Variants in BMP1 observed in about 807,000 individuals in gnomAD.
The protein encoded by BMP1 is bone morphogenetic protein 1, also known as mammalian tolloid protein.
In BMP1, 63 loss-of-function variants were observed where a neutral mutation model predicts 116.8. The ratio of observed to expected loss-of-function variants is 0.54; its 90% confidence interval spans 0.44 to 0.67. BMP1 has a LOEUF of 0.67. Ranked by LOEUF, BMP1 falls within the 30% of genes least tolerant of loss-of-function variation. BMP1 has a pLI of 0.00. For synonymous variants in BMP1, 536 were observed against 533.4 expected, an observed-to-expected ratio of 1.00 and a Z score of -0.07; for missense variants, 1,183 against 1,358.9, an observed-to-expected ratio of 0.87 and a Z score of 2.04.
rs746069533 is a variant in BMP1, at chr8:22,192,148, C to T, written c.1177C>T (p.Arg393Ter). The change falls in exon 9 of 20, where the codon CGA becomes TGA. Residue 393 changes from arginine to a stop codon, truncating the protein, a stop_gained. Transcript: ENST00000306385. LOFTEE classifies it high-confidence loss of function. ...RDGFWRKAPLRGRFCGSKLPE... is the reference protein window; with the variant it reads ...RDGFWRKAPL Reference sequence around the variant, plus strand: ...TGGCTTCTGGAGGAAGGCGCCCCTCCGAGGTAACGGCACCAGCCACCCCCT... The same window carrying T: ...TGGCTTCTGGAGGAAGGCGCCCCTCTGAGGTAACGGCACCAGCCACCCCCT... 2 of 1,612,788 alleles carry T rather than the reference C, an allele frequency of 1.2e-6. No homozygotes were observed. Among genetic ancestry groups the T allele is most frequent in the Non-Finnish European group, 1.7e-6 (2 of 1,179,400 alleles).
At position 22,194,099 on chromosome 8, in the gene BMP1, A is replaced by G. The variant is rs367846590; in HGVS notation, c.1222A>G (p.Thr408Ala). 1.9e-5 allele frequency: 30 copies of G among 1,614,068 alleles called. No homozygotes were observed. Among genetic ancestry groups the G allele is most frequent in the Non-Finnish European group, 2.5e-5 (30 of 1,180,040 alleles). ...GSKLPEPIVSTDSRLWVEFRS... is the reference protein window; with the variant it reads ...GSKLPEPIVSADSRLWVEFRS... ...CAAACTCCCTGAGCCTATCGTCTCC[A>G]CTGACAGCCGCCTCTGGGTTGAATT... The change falls in exon 10 of 20, where the codon ACT (threonine) becomes GCT (alanine). Residue 408 changes from threonine (T) to alanine (A), a missense_variant. Coordinates refer to ENST00000306385, the MANE Select transcript of BMP1 (RefSeq NM_006129.5). The surrounding 1 kb of genome is among the most constrained non-coding windows in gnomAD (Gnocchi z 4.5).
chr8:22,195,610 T>A, intron 13 of BMP1, 23 bp downstream of exon 13: 1 of 1,603,462 alleles, frequency 6.2e-7, no homozygotes, highest in Non-Finnish European at 8.5e-7. Flanking sequence ...AGACTGCCTC[T>A]GACCCTGTTC....
At chr8:22,183,908 A>G (rs1299547676) in intron 8 of BMP1, among the ~76,000 whole-genome samples, 1 of 152,160 alleles carries the variant, frequency 6.6e-6, no homozygotes, top group Non-Finnish European at 1.5e-5. Flanking sequence ...TATGTCCAAC[A>G]TTATCGTACA....
rs1829425355 is a variant in BMP1, at chr8:22,209,631, A to G, written c.2762A>G (p.Tyr921Cys). Residue 921 changes from tyrosine (Y) to cysteine (C), a missense_variant, in exon 19 of 20, where the codon TAC (tyrosine) becomes TGC (cysteine). Physicochemically the swap from Tyr to Cys is radical, Grantham distance 194 (BLOSUM62 -2). Transcript: ENST00000306385. ...VEEETDCGYD[Y>C]MELFDGYDST... Reference sequence around the variant, plus strand: ...GAGGAGACCGACTGCGGCTATGACTACATGGAGCTCTTCGACGGCTACGAC... The same window carrying G: ...GAGGAGACCGACTGCGGCTATGACTGCATGGAGCTCTTCGACGGCTACGAC... The G allele has an allele frequency of 6.2e-7, 1 of 1,613,936 alleles. No individual in the cohort carries two copies. Among genetic ancestry groups the G allele is most frequent in the Non-Finnish European group, 8.5e-7 (1 of 1,179,990 alleles).
At position 22,180,412 on chromosome 8, in the gene BMP1, C is replaced by A. The variant is rs146604892; in HGVS notation, c.1006C>A (p.Pro336Thr). Reference sequence around the variant, plus strand: ...AGACAGCACAGGCAACTTCTCCTCCCCTGAATACCCCAATGGCTACTCTGC... The same window carrying A: ...AGACAGCACAGGCAACTTCTCCTCCACTGAATACCCCAATGGCTACTCTGC... Reference protein sequence around the residue: ...LQDSTGNFSSPEYPNGYSAHM... With the variant: ...LQDSTGNFSSTEYPNGYSAHM... The change falls in exon 8 of 20, where the codon CCT becomes ACT. Residue 336 changes from proline (P) to threonine (T), a missense_variant. Pro to Thr is a conservative substitution (Grantham distance 38). Around this residue, in one of 4 missense-constraint regions of BMP1, gnomAD observed 956 missense variants for 1,135.2 expected, o/e 0.84. Transcript: ENST00000306385. 6.2e-6 allele frequency: 10 copies of A among 1,613,912 alleles called. No homozygotes were observed. Among genetic ancestry groups the A allele is most frequent in the African/African-American group, 1.3e-5 (1 of 74,898 alleles).
chr8:22,206,227 C>T (rs1350681933), intron 16 of BMP1, among the ~76,000 whole-genome samples: 1 of 151,472 alleles, frequency 6.6e-6, no homozygotes, highest in African/African-American at 2.4e-5. Flanking sequence ...ATTAGCCAGG[C>T]ATAGTGGCTC....
At chr8:22,176,831 A>G (rs1828451728) in intron 4 of BMP1, 130 bp from the exon 5 acceptor site, 4 of 963,196 alleles carry the variant, frequency 4.2e-6, no homozygotes, top group Non-Finnish European at 6.2e-6. Flanking sequence ...CAGCCTGGGC[A>G]CTCGGTGCTC....
rs764913462 is a variant in BMP1, at chr8:22,211,744, G to A, written c.*16G>A. On this transcript the variant is annotated 3_prime_UTR_variant, in exon 20 of 20. Transcript: ENST00000306385. ...CAGGAAGTGACCACTGCCTGAGCAG[G>A]GGCGGGGACTGGAGCCTGCTGCCCT... The A allele has an allele frequency of 5.0e-6, 8 of 1,613,978 alleles. No homozygotes were observed. Among genetic ancestry groups the A allele is most frequent in the Non-Finnish European group, 6.8e-6 (8 of 1,180,008 alleles).
chr8:22,193,265 T>C (rs1197617765), intron 9 of BMP1, among the ~76,000 whole-genome samples: 4 of 152,266 alleles, frequency 2.6e-5, no homozygotes, highest in Non-Finnish European at 5.9e-5. Flanking sequence ...TTCTGTGATT[T>C]ATTTAGGGTC....
rs1349010043 is a variant in BMP1 at position 22,196,732 on chromosome 8, C to A, written c.1818C>A (p.Gly606=). 6.2e-7 allele frequency: 1 copy of A among 1,614,170 alleles called. No homozygotes were observed. Among genetic ancestry groups the A allele is most frequent in the South Asian group, 1.1e-5 (1 of 91,086 alleles). ...TCAACGGCTCCATCACCAGCCCGGG[C>A]TGGCCCAAGGAGTACCCCCCCAACA... ...TKLNGSITSP[G]WPKEYPPNKN... The change falls in exon 14 of 20, where the codon GGC becomes GGA. Residue 606 remains glycine (G), a synonymous_variant. Transcript: ENST00000306385.
intron 8 of BMP1, among the ~76,000 whole-genome samples, chr8:22,181,625 T>C (rs1446952913): frequency 6.6e-6 from 1 of 151,680 alleles, no homozygotes; most frequent in Non-Finnish European, 1.5e-5. Context: ...CGATCTCAGC[T>C]CACTGCAACC....
chr8:22,176,445 C>T (rs557742930), intron 3 of BMP1, 88 bp from the exon 4 acceptor site: 3 of 1,556,702 alleles, frequency 1.9e-6, no homozygotes, highest in African/African-American at 1.4e-5. Context: ...AGGCAGTCTG[C>T]CCTCAGAATG....
At chr8:22,197,021 G>A (rs531560504) in intron 14 of BMP1, among the ~76,000 whole-genome samples, 181 bp downstream of exon 14, 2 of 152,300 alleles carry the variant, frequency 1.3e-5, no homozygotes, top group African/African-American at 2.4e-5. Context: ...CAAAGGGGGC[G>A]GGGGGACATG....
chr8:22,187,149 C>T (rs1007375752), intron 8 of BMP1, among the ~76,000 whole-genome samples: 2 of 151,824 alleles, frequency 1.3e-5, no homozygotes, highest in Non-Finnish European at 2.9e-5. Flanking sequence ...TGCCACCACA[C>T]CCGGCTAATT....
At position 22,195,301 on chromosome 8, in the gene BMP1, G is replaced by C. The variant is rs112173227; in HGVS notation, c.1640-161G>C. ...TCCTTAGTCAGGGAACAGCACGTGA[G>C]AGACACCAGCCCAGTCCATGTGCTC... On this transcript the variant is annotated intron_variant, in intron 12 of 19. Transcript: ENST00000306385. 3.0e-3 allele frequency among the ~76,000 whole-genome samples: 457 copies of C among 152,342 alleles called. 4 individuals carry two copies. Among genetic ancestry groups the C allele is most frequent in the African/African-American group, 0.011 (439 of 41,588 alleles).
Position 22,180,425 on chromosome 8 carries a change from A to G in BMP1, c.1019A>G (p.Asn340Ser), listed in dbSNP as rs1168774700. The change falls in exon 8 of 20, where the codon AAT becomes AGT. Residue 340 changes from asparagine (N) to serine (S), a missense_variant. This residue lies in a region of BMP1 where 956 missense variants were observed against 1,135.2 expected (regional missense o/e 0.84). Coordinates refer to ENST00000306385, the MANE Select transcript of BMP1 (RefSeq NM_006129.5). Reference sequence around the variant, plus strand: ...AACTTCTCCTCCCCTGAATACCCCAATGGCTACTCTGCTCACATGCACTGC... The same window carrying G: ...AACTTCTCCTCCCCTGAATACCCCAGTGGCTACTCTGCTCACATGCACTGC... ...TGNFSSPEYP[N>S]GYSAHMHCVW... The G allele has an allele frequency of 1.9e-6, 3 of 1,613,868 alleles. No individual in the cohort carries two copies. The highest frequency in any genetic ancestry group is 2.7e-5 in the African/African-American group (2 of 74,894).
At chr8:22,192,467 G>A (rs1462477303) in intron 9 of BMP1, 1 of 247,244 alleles carries the variant, frequency 4.0e-6, no homozygotes, top group Non-Finnish European at 8.0e-6. Context: ...AGGCTGTTCT[G>A]CGCATCCCCA....
chr8:22,167,935 C>T (rs1828163181), intron 1 of BMP1, among the ~76,000 whole-genome samples: 1 of 152,198 alleles, frequency 6.6e-6, no homozygotes, highest in South Asian at 2.1e-4. Flanking sequence ...GCTTTGCTTC[C>T]TGTATCCTCT....
chr8:22,188,879 T>A (rs1828853439), intron 8 of BMP1, among the ~76,000 whole-genome samples: 1 of 152,288 alleles, frequency 6.6e-6, no homozygotes, highest in South Asian at 2.1e-4. Flanking sequence ...AGCGGGCGCT[T>A]GTCCTCAGCA....
Sources: gnomAD v4.1 joint callset for allele counts (sites outside exome capture counted in the v4.1 genomes callset) on GRCh38, gnomAD v4.1.1 for gene constraint, gnomAD v4.1.1 regional missense constraint, Gnocchi (gnomAD v3.1) non-coding constraint, MANE v1.5 for transcripts, NCBI Gene and HGNC (gene_info 2026-07-23, HGNC 2026-07-21) for gene names.